Variants in CNTN5 observed in about 807,000 individuals in gnomAD.
CNTN5 encodes contactin-5.
Under a neutral mutation model 129.1 loss-of-function variants are expected in CNTN5, and 77 were observed. The observed-to-expected ratio is 0.60, with a 90% confidence interval of 0.50 to 0.72. CNTN5 has a LOEUF of 0.72. Ranked by LOEUF, CNTN5 falls within the 30% of genes least tolerant of loss-of-function variation. The pLI, the probability that CNTN5 is intolerant of heterozygous loss-of-function variation, is 0.00. For synonymous variants in CNTN5, 509 were observed against 465.6 expected, an observed-to-expected ratio of 1.09 and a Z score of -1.20; for missense variants, 1,478 against 1,328.8, an observed-to-expected ratio of 1.11 and a Z score of -1.75.
At position 100,348,947 on chromosome 11, in the gene CNTN5, T is replaced by A. The variant is rs1372653; in HGVS notation, c.3031-1755T>A. Among the ~76,000 whole-genome samples the A allele has an allele frequency of 2.2e-3, 327 of 152,064 alleles. 7 individuals carry two copies. In the East Asian group the frequency reaches 0.06, roughly 28 times the overall value. Reference sequence around the variant, plus strand: ...CCATGTGGTCTTATTCTCTGATGAATCTCCGGTATGTAGTACTATGCCTGG... The same window carrying A: ...CCATGTGGTCTTATTCTCTGATGAAACTCCGGTATGTAGTACTATGCCTGG... On this transcript the variant is annotated intron_variant, in intron 23 of 24. Coordinates refer to ENST00000524871, the MANE Select transcript of CNTN5 (RefSeq NM_014361.4).
intron 15 of CNTN5, among the ~76,000 whole-genome samples, chr11:100,195,412 A>G (rs906362360): frequency 3.3e-5 from 5 of 151,998 alleles, no homozygotes. Flanking sequence ...ATTCATTTGT[A>G]TCAATAAATA....
At chr11:99,885,801 T>C (rs1428995295) in intron 6 of CNTN5, among the ~76,000 whole-genome samples, 1 of 152,060 alleles carries the variant, frequency 6.6e-6, no homozygotes, top group Non-Finnish European at 1.5e-5. Flanking sequence ...TAATAGAGAA[T>C]TGAAAGAAGA....
chr11:99,591,836 A>C (rs1387307968), intron 3 of CNTN5, among the ~76,000 whole-genome samples: 4 of 152,204 alleles, frequency 2.6e-5, no homozygotes, highest in Non-Finnish European at 5.9e-5. Context: ...GAAAATGCCC[A>C]AAATAAAGAT....
intron 6 of CNTN5, among the ~76,000 whole-genome samples, chr11:99,850,769 G>A (rs747851330): frequency 8.6e-5 from 13 of 151,930 alleles, no homozygotes; most frequent in Non-Finnish European, 1.9e-4. Flanking sequence ...GCAAAAGAAA[G>A]AAAGAAAAAC....
intron 21 of CNTN5, among the ~76,000 whole-genome samples, chr11:100,329,645 A>C (rs1197729511): frequency 6.6e-6 from 1 of 152,220 alleles, no homozygotes; most frequent in Non-Finnish European, 1.5e-5. Context: ...GACTCACATC[A>C]CAGGACTCTT....
intron 13 of CNTN5, among the ~76,000 whole-genome samples, chr11:100,127,797 T>C (rs1181844701): frequency 6.6e-6 from 1 of 151,844 alleles, no homozygotes; most frequent in African/African-American, 2.4e-5. Context: ...TAGCTGTGAT[T>C]GTAGTTGCCT....
intron 2 of CNTN5, among the ~76,000 whole-genome samples, chr11:99,518,018 A>G (rs1253652916): frequency 6.6e-6 from 1 of 152,124 alleles, no homozygotes; most frequent in Non-Finnish European, 1.5e-5. Flanking sequence ...ACATTCACCC[A>G]TAACCTAGAA....
intron 3 of CNTN5, among the ~76,000 whole-genome samples, chr11:99,719,224 C>A (rs1281703675): frequency 1.3e-5 from 2 of 151,874 alleles, no homozygotes; most frequent in Admixed American, 1.3e-4. Context: ...GAGGCTGATG[C>A]ATGAAAATCA....
intron 3 of CNTN5, among the ~76,000 whole-genome samples, chr11:99,667,481 A>G (rs184767692): frequency 6.6e-6 from 1 of 152,214 alleles, no homozygotes; most frequent in Non-Finnish European, 1.5e-5. Flanking sequence ...ATACAAGTTA[A>G]ATAAAATTTT....
intron 8 of CNTN5, among the ~76,000 whole-genome samples, chr11:99,983,166 T>G (rs1226670455): frequency 2.0e-5 from 3 of 152,214 alleles, no homozygotes; most frequent in Non-Finnish European, 4.4e-5. Flanking sequence ...AACTTTGTAC[T>G]GTGAAAACAA....
At chr11:99,304,215 G>A (rs1465223675) in intron 1 of CNTN5, among the ~76,000 whole-genome samples, 1 of 152,062 alleles carries the variant, frequency 6.6e-6, no homozygotes, top group Non-Finnish European at 1.5e-5. Flanking sequence ...CATTGTTCCT[G>A]CCTGGTAATC....
Position 99,882,550 on chromosome 11 carries a change from A to AT in CNTN5, c.578-33498dup, listed in dbSNP as rs1421849142. On this transcript the variant is annotated intron_variant, in intron 6 of 24. Coordinates refer to ENST00000524871, the MANE Select transcript of CNTN5 (RefSeq NM_014361.4). Reference sequence around the variant, plus strand: ...AGAACAAGAGATCTCTAAATCACTCATTTTTTATTTTTTTAATTTAATTTT... The same window carrying AT: ...AGAACAAGAGATCTCTAAATCACTCATTTTTTTATTTTTTTAATTTAATTTT... Among the ~76,000 whole-genome samples the AT allele has an allele frequency of 7.2e-5, 11 of 152,178 alleles. 1 individual carries two copies. Among genetic ancestry groups the AT allele is most frequent in the East Asian group, 3.9e-4 (2 of 5,172 alleles).
intron 3 of CNTN5, among the ~76,000 whole-genome samples, chr11:99,812,442 C>T (rs943210247): frequency 1.3e-5 from 2 of 151,950 alleles, no homozygotes; most frequent in African/African-American, 2.4e-5. Flanking sequence ...AATAACTAAA[C>T]TCTAGATAAT....
intron 1 of CNTN5, among the ~76,000 whole-genome samples, chr11:99,039,592 A>T (rs956011211): frequency 8.5e-5 from 13 of 152,278 alleles, no homozygotes; most frequent in Admixed American, 7.9e-4. Context: ...AACACAAAGA[A>T]TGCTAGCTGG....
chr11:99,424,591 T>C (rs1019344049), intron 2 of CNTN5, among the ~76,000 whole-genome samples: 7 of 152,184 alleles, frequency 4.6e-5, no homozygotes, highest in Non-Finnish European at 8.8e-5. Flanking sequence ...CCAGACGTAA[T>C]GTAAGTGGCA....
At chr11:99,797,834 C>G (rs185747299) in intron 3 of CNTN5, among the ~76,000 whole-genome samples, 1 of 151,986 alleles carries the variant, frequency 6.6e-6, no homozygotes, top group South Asian at 2.1e-4. Flanking sequence ...AAAGTTAAAA[C>G]GAATGACTTT....
chr11:99,082,960 T>C (rs1310603955), intron 1 of CNTN5, among the ~76,000 whole-genome samples: 2 of 152,094 alleles, frequency 1.3e-5, no homozygotes, highest in Non-Finnish European at 2.9e-5. Context: ...ATTTTAGGAT[T>C]ATGGTAATTA....
intron 8 of CNTN5, among the ~76,000 whole-genome samples, chr11:99,958,614 A>G (rs1013301571): frequency 1.3e-5 from 2 of 152,178 alleles, no homozygotes; most frequent in East Asian, 1.9e-4. Context: ...ATGTGTATAT[A>G]TTATGCCAAC....
At chr11:100,211,096 A>G (rs991673453) in intron 15 of CNTN5, among the ~76,000 whole-genome samples, 11 of 152,248 alleles carry the variant, frequency 7.2e-5, no homozygotes, top group African/African-American at 2.2e-4. Flanking sequence ...GTCATCCTCC[A>G]TGTGTCTAGA....
Sources: gnomAD v4.1 joint callset for allele counts (sites outside exome capture counted in the v4.1 genomes callset) on GRCh38, gnomAD v4.1.1 for gene constraint, MANE v1.5 for transcripts, NCBI Gene and HGNC (gene_info 2026-07-23, HGNC 2026-07-21) for gene names.